PVT1: variants seen among roughly 807,000 people sequenced by gnomAD.
PVT1 encodes the protein Pvt1 oncogene.
chr8:127,817,940 T>C (rs1442274149), intron 2 of PVT1, among the ~76,000 whole-genome samples: 1 of 152,120 alleles, frequency 6.6e-6, no homozygotes, highest in East Asian at 1.9e-4. Context: ...ACAGAGTAAG[T>C]GCTCCCTGCT....
At chr8:127,863,078 TTTTATTTATTTATTTA>T (rs146647918) in intron 2 of PVT1, among the ~76,000 whole-genome samples, 11,100 of 142,100 alleles carry the variant, frequency 0.078, 533 homozygotes, top group African/African-American at 0.14. Context: ...CAGTTGCTAG[TTTTATTTATTTATTTA>T]TTTATTTATT....
At chr8:127,907,580 C>T (rs1197424462) in intron 3 of PVT1, among the ~76,000 whole-genome samples, 2 of 152,188 alleles carry the variant, frequency 1.3e-5, no homozygotes, top group South Asian at 2.1e-4. Context: ...AGGGAGCGGG[C>T]GGACAGGGCT....
At position 127,837,037 on chromosome 8, in the gene PVT1, G is replaced by A. The variant is rs7018046; in HGVS notation, n.372+40966G>A. 8.8e-3 allele frequency among the ~76,000 whole-genome samples: 1,341 copies of A among 152,308 alleles called. 24 individuals carry two copies. The highest frequency in any genetic ancestry group is 0.031 in the African/African-American group (1,270 of 41,570). Reference sequence around the variant, plus strand: ...CCTGAGGATATGGATTCTAGCCCATGGGACCATAAGCCAGGCCCCCTGAGG... The same window carrying A: ...CCTGAGGATATGGATTCTAGCCCATAGGACCATAAGCCAGGCCCCCTGAGG... On this transcript the variant is annotated intron_variant and non_coding_transcript_variant, in intron 2 of 10. Transcript: ENST00000651587.
At position 127,829,473 on chromosome 8, in the gene PVT1, G is replaced by A. The variant is rs188857725; in HGVS notation, n.372+33402G>A. On this transcript the variant is annotated intron_variant and non_coding_transcript_variant, in intron 2 of 10. Transcript: ENST00000651587. ...CAGAAATCCTTTCCAACCCAAGAGC[G>A]TCAGAGGTACTTTAAGTAAGCAAGA... is the stretch of plus-strand genomic sequence containing the variant. 1.2e-4 allele frequency among the ~76,000 whole-genome samples: 18 copies of A among 152,266 alleles called. No homozygotes were observed. In the East Asian group the frequency reaches 1.5e-3, roughly 13 times the overall value.
At chr8:127,995,119 C>G (rs1817090108) in intron 4 of PVT1, among the ~76,000 whole-genome samples, 1 of 152,184 alleles carries the variant, frequency 6.6e-6, no homozygotes. Flanking sequence ...GCTCACCAGG[C>G]TGGTTTGATT....
rs1263091650 is a variant in PVT1 at position 127,985,039 on chromosome 8, C to CT, written n.783-4121dup. 1.8e-3 allele frequency among the ~76,000 whole-genome samples: 183 copies of CT among 104,494 alleles called. 13 individuals carry two copies. Among genetic ancestry groups the CT allele is most frequent in the African/African-American group, 4.8e-3 (121 of 25,418 alleles). 68.6% of individuals were successfully genotyped at this position (104,494 alleles called of 152,430 possible). ...CTTCCTTCCTTCCTTCCTTCCTTTC[C>CT]TTCTTTTTTTTTTTGACAGATTCTC... On this transcript the variant is annotated intron_variant and non_coding_transcript_variant, in intron 3 of 10. Coordinates refer to ENST00000651587, the Ensembl canonical transcript of PVT1.
At position 127,845,523 on chromosome 8, in the gene PVT1, G is replaced by T. The variant is rs553575530; in HGVS notation, n.373-45066G>T. Among the ~76,000 whole-genome samples, 54 of 139,972 alleles carry T rather than the reference G, an allele frequency of 3.9e-4. 1 individual carries two copies. Among genetic ancestry groups the T allele is most frequent in the Non-Finnish European group, 7.1e-4 (48 of 67,984 alleles). 91.8% of individuals were successfully genotyped at this position (139,972 alleles called of 152,430 possible). On this transcript the variant is annotated intron_variant and non_coding_transcript_variant, in intron 2 of 10. Coordinates refer to ENST00000651587, the Ensembl canonical transcript of PVT1. ...TAGACCCATCGTACGCTGAAACAGA[G>T]AAGAATGGCTAGCCAAAAATACTGT...
At chr8:127,905,457 T>C (rs1815808278) in intron 3 of PVT1, among the ~76,000 whole-genome samples, 1 of 152,246 alleles carries the variant, frequency 6.6e-6, no homozygotes, top group Non-Finnish European at 1.5e-5. Context: ...GGTCTTAGCA[T>C]GCTGGCAATT....
intron 2 of PVT1, among the ~76,000 whole-genome samples, chr8:127,890,143 TA>T (rs1815582555): frequency 1.3e-5 from 2 of 152,082 alleles, no homozygotes; most frequent in Admixed American, 6.5e-5. Flanking sequence ...TGGTTGTCTT[TA>T]AAAAGAAACA....
chr8:127,811,450 C>G (rs189906221), intron 2 of PVT1, among the ~76,000 whole-genome samples: 30 of 152,278 alleles, frequency 2.0e-4, no homozygotes, highest in African/African-American at 7.0e-4. Context: ...TTCCATTCCC[C>G]CTGGGCCTAG....
intron 5 of PVT1, among the ~76,000 whole-genome samples, chr8:128,095,913 T>G (rs1490086352): frequency 6.6e-6 from 1 of 152,254 alleles, no homozygotes; most frequent in Non-Finnish European, 1.5e-5. Flanking sequence ...AGAGCTGGCT[T>G]CTCTGTGCCC....
intron 2 of PVT1, among the ~76,000 whole-genome samples, chr8:127,879,972 A>C (rs1228508380): frequency 6.6e-6 from 1 of 152,208 alleles, no homozygotes; most frequent in African/African-American, 2.4e-5. Context: ...TCAGCTCTTC[A>C]GTGAGGACAT....
intron 4 of PVT1, among the ~76,000 whole-genome samples, chr8:128,036,418 C>T (rs897785235): frequency 3.3e-5 from 5 of 152,174 alleles, no homozygotes; most frequent in Non-Finnish European, 7.4e-5. Context: ...GCTGGAGAAC[C>T]TCTCCACAGG....
intron 2 of PVT1, among the ~76,000 whole-genome samples, chr8:127,867,451 G>A (rs1264376981): frequency 6.6e-6 from 1 of 152,306 alleles, no homozygotes; most frequent in East Asian, 1.9e-4. Flanking sequence ...TCCCGGGCTT[G>A]GCCAGCTTGC....
intron 2 of PVT1, among the ~76,000 whole-genome samples, chr8:127,885,559 C>T (rs574459342): frequency 6.6e-6 from 1 of 152,204 alleles, no homozygotes; most frequent in South Asian, 2.1e-4. Flanking sequence ...TTTATAAGGG[C>T]ACTAAGCCCT....
At chr8:128,001,992 G>A (rs1426512) in intron 4 of PVT1, among the ~76,000 whole-genome samples, 46,925 of 151,942 alleles carry the variant, frequency 0.31, 7,646 homozygotes, top group East Asian at 0.51. Flanking sequence ...GGGAGACACC[G>A]ACATTCAGAC....
rs1816932623 is a variant in PVT1 at position 127,984,879 on chromosome 8, T to TTCTTTCTTTC, written n.783-4281_783-4272dup. Among the ~76,000 whole-genome samples the TTCTTTCTTTC allele has an allele frequency of 8.0e-5, 7 of 87,990 alleles. No homozygotes were observed. The South Asian group carries it at 1.6e-3, about 20-fold the overall frequency. 57.7% of individuals were successfully genotyped at this position (87,990 alleles called of 152,430 possible). A position where few individuals can be genotyped will look rare whatever the true frequency, so the allele number is the denominator to read the frequency against. ...TTTCTTTCTTTCTTTCTTTCTTTCT[T>TTCTTTCTTTC]TCTTTCTTTCTTTCTTTCTTTCTTT... On this transcript the variant is annotated intron_variant and non_coding_transcript_variant, in intron 3 of 10. Coordinates refer to ENST00000651587, the Ensembl canonical transcript of PVT1.
intron 2 of PVT1, among the ~76,000 whole-genome samples, chr8:127,814,347 T>G (rs144602929): frequency 6.6e-6 from 1 of 152,322 alleles, no homozygotes; most frequent in East Asian, 1.9e-4. Context: ...CGGGGAGGGT[T>G]TCTGTGTGAA....
At chr8:127,992,344 C>A (rs1474290479) in intron 4 of PVT1, among the ~76,000 whole-genome samples, 1 of 152,228 alleles carries the variant, frequency 6.6e-6, no homozygotes, top group Non-Finnish European at 1.5e-5. Flanking sequence ...AAGATTGTGC[C>A]ACTGCACTCC....
Sources: gnomAD v4.1 joint callset for allele counts (sites outside exome capture counted in the v4.1 genomes callset) on GRCh38, gnomAD v4.1.1 for gene constraint, MANE v1.5 for transcripts, NCBI Gene and HGNC (gene_info 2026-07-23, HGNC 2026-07-21) for gene names.